Variants in IGSF10 observed in about 807,000 individuals in gnomAD.
IGSF10 encodes the protein calvaria mechanical force protein 608.
Under a neutral mutation model 128.2 loss-of-function variants are expected in IGSF10, and 126 were observed. That is an observed-to-expected ratio of 0.98 (90% CI 0.85 to 1.14). The LOEUF (loss-of-function observed/expected upper bound fraction) is 1.14, where lower values mean the gene tolerates loss of function less well. Among genes scored for constraint, IGSF10 ranks in the 50% most tolerant of loss-of-function variants. The pLI is 0.00. For missense variants in IGSF10, 3,295 were observed against 3,149.8 expected (o/e 1.05, Z -1.10); for synonymous variants, 1,185 against 1,146.2 (o/e 1.03, Z -0.68).
At chr3:151,613,493 C>A in the IGSF10 span, among the ~76,000 whole-genome samples, 371 of 152,264 alleles carry the variant, frequency 2.4e-3, 1 homozygote, top group African/African-American at 8.7e-3. Context: ...ACCAATGGAA[C>A]AGAACAGAGC....
the IGSF10 span, among the ~76,000 whole-genome samples, chr3:151,525,261 A>G: frequency 2.6e-5 from 4 of 152,048 alleles, no homozygotes; most frequent in Non-Finnish European, 4.4e-5. Flanking sequence ...AAATTCGAGT[A>G]GTTTACGGAA....
At chr3:151,559,481 T>C in the IGSF10 span, among the ~76,000 whole-genome samples, 1 of 152,156 alleles carries the variant, frequency 6.6e-6, no homozygotes, top group Admixed American at 6.5e-5. Flanking sequence ...GGGAGAGTAA[T>C]TGACATGAAT....
At chr3:151,461,105 G>A, upstream of IGSF10, 1 of 985,418 alleles carries the variant, frequency 1.0e-6, no homozygotes, top group Non-Finnish European at 1.2e-6. Flanking sequence ...TTCTGTGTCT[G>A]GGGACGCGGC....
the IGSF10 span, chr3:151,475,964 A>G: frequency 6.5e-6 from 1 of 153,212 alleles, no homozygotes; most frequent in African/African-American, 2.4e-5. Flanking sequence ...TGGAATGTCC[A>G]TAGAAGGGTG....
rs760612039 is a variant in IGSF10, at chr3:151,448,042, C to T, written c.1939G>A (p.Ala647Thr). 5 of 1,614,136 alleles carry T rather than the reference C, an allele frequency of 3.1e-6. No homozygotes were observed. In the South Asian group the frequency reaches 5.5e-5, roughly 18 times the overall value. Residue 647 changes from alanine (A) to threonine (T), a missense_variant, in exon 6 of 8, where the codon GCA becomes ACA. By Grantham distance (58) the Ala-to-Thr change is moderately conservative (BLOSUM62 0). Coordinates refer to ENST00000282466, the MANE Select transcript of IGSF10 (RefSeq NM_178822.5). ...PKDQGYYRCV[A>T]ANPSGVDFLI... ...AAATCAACCCCTGATGGGTTGGCTG[C>T]CACACAGCGATAATAACCTTGGTCT...
chr3:151,564,481 C>T, the IGSF10 span, among the ~76,000 whole-genome samples: 2,250 of 151,958 alleles, frequency 0.015, 57 homozygotes, highest in African/African-American at 0.052. Flanking sequence ...ACAACATTTA[C>T]AAATTGGGAA....
intron 1 of IGSF10, 61 bp from the exon 2 acceptor site, chr3:151,460,408 C>A (rs1025576312): frequency 2.1e-6 from 1 of 466,928 alleles, no homozygotes; most frequent in African/African-American, 2.1e-5. Context: ...TTTTGGCTTA[C>A]AGCCAGGAGT....
rs1373948549 is a variant in IGSF10, at chr3:151,457,006, C to CCT, written c.324+18_324+19dup. On this transcript the variant is annotated intron_variant, in intron 4 of 7. Transcript: ENST00000282466. ...CCCACCTTACCTCTTTAACCTGCCC[C>CCT]CTCTCTCCATCAGTCTCACCTGCAA... 1.2e-6 allele frequency: 2 copies of CCT among 1,614,000 alleles called. No individual in the cohort carries two copies. The highest frequency in any genetic ancestry group is 1.1e-5 in the South Asian group (1 of 91,032).
chr3:151,473,627 C>T, the IGSF10 span, among the ~76,000 whole-genome samples: 34 of 152,160 alleles, frequency 2.2e-4, no homozygotes, highest in African/African-American at 6.3e-4. Context: ...ATAAAGGAGC[C>T]ACAAAAAAAG....
upstream of IGSF10, among the ~76,000 whole-genome samples, chr3:151,463,523 G>GTGTTTTTTTTTTGTTT (rs1722143134): frequency 3.2e-5 from 1 of 31,272 alleles, no homozygotes; most frequent in Admixed American, 4.1e-4. Flanking sequence ...ACATTTTCTG[G>GTGTTTTTTTTTTGTTT]TTTTTTTTTT....
At chr3:151,531,333 A>T in the IGSF10 span, among the ~76,000 whole-genome samples, 1 of 152,216 alleles carries the variant, frequency 6.6e-6, no homozygotes, top group Non-Finnish European at 1.5e-5. Flanking sequence ...GACCAAGCAG[A>T]CCTAATAGAC....
the IGSF10 span, among the ~76,000 whole-genome samples, chr3:151,552,362 G>A: frequency 1.3e-5 from 2 of 152,124 alleles, no homozygotes; most frequent in African/African-American, 4.8e-5. Context: ...CAGCCAATAC[G>A]TACAGAGACA....
chr3:151,442,009 A>C (rs554928918), intron 7 of IGSF10, among the ~76,000 whole-genome samples: 30 of 152,320 alleles, frequency 2.0e-4, no homozygotes, highest in Admixed American at 3.3e-4. Context: ...TGCAGTGAGC[A>C]GAGATCCTGC....
the IGSF10 span, among the ~76,000 whole-genome samples, chr3:151,487,580 CAAT>C: frequency 6.6e-6 from 1 of 152,190 alleles, no homozygotes; most frequent in Non-Finnish European, 1.5e-5. Flanking sequence ...CAAAAATCCT[CAAT>C]AAAATACTGG....
chr3:151,436,454 T>G lies in IGSF10; in HGVS notation c.*235A>C, dbSNP rs112866813. Reference sequence around the variant, plus strand: ...CCGTTTCAATGTTTGTTTATTGTTATTTGTTGGCAAAATAAAAGTGCCTTA... The same window carrying G: ...CCGTTTCAATGTTTGTTTATTGTTAGTTGTTGGCAAAATAAAAGTGCCTTA... On this transcript the variant is annotated 3_prime_UTR_variant, in exon 8 of 8. Transcript: ENST00000282466. 1,521 of 388,668 alleles carry G rather than the reference T, an allele frequency of 3.9e-3. 20 individuals carry two copies. The highest frequency in any genetic ancestry group is 0.029 in the African/African-American group (1,413 of 48,288). 24.1% of individuals were successfully genotyped at this position (388,668 alleles called of 1,614,324 possible).
the IGSF10 span, among the ~76,000 whole-genome samples, chr3:151,521,938 T>A: frequency 6.7e-6 from 1 of 150,224 alleles, no homozygotes; most frequent in Non-Finnish European, 1.5e-5. Flanking sequence ...TTGAAAAAAA[T>A]AAGACAGGCC....
the IGSF10 span, among the ~76,000 whole-genome samples, chr3:151,584,425 G>A: frequency 6.6e-6 from 1 of 152,054 alleles, no homozygotes; most frequent in Admixed American, 6.5e-5. Flanking sequence ...GATTTATTTA[G>A]GTTTATGCTC....
chr3:151,443,547 C>G lies in IGSF10; in HGVS notation c.5400G>C (p.Thr1800=), dbSNP rs747618214. Residue 1800 remains threonine (T), a synonymous_variant, in exon 7 of 8, where the codon ACG becomes ACC. Coordinates refer to ENST00000282466, the MANE Select transcript of IGSF10 (RefSeq NM_178822.5). ...TGTGGAGGACCAATGTTCCGTCAAC[C>G]GTCACCACAGCCTGCCTACTTCCCT... ...SSQGSRQAVV[T]VDGTLVLHNL... is the part of the protein sequence containing the mutation. 3.1e-6 allele frequency: 5 copies of G among 1,614,090 alleles called. No homozygotes were observed. Among genetic ancestry groups the G allele is most frequent in the Non-Finnish European group, 4.2e-6 (5 of 1,180,052 alleles).
chr3:151,579,461 T>A, the IGSF10 span, among the ~76,000 whole-genome samples: 1 of 152,054 alleles, frequency 6.6e-6, no homozygotes, highest in Admixed American at 6.6e-5. Context: ...AAAAGGTGGA[T>A]AACATTCAAG....
Sources: gnomAD v4.1 joint callset for allele counts (sites outside exome capture counted in the v4.1 genomes callset) on GRCh38, gnomAD v4.1.1 for gene constraint, MANE v1.5 for transcripts, NCBI Gene and HGNC (gene_info 2026-07-23, HGNC 2026-07-21) for gene names.